TNR: variants seen among roughly 807,000 people sequenced by gnomAD.
TNR encodes tenascin R.
TNR carries 45 observed loss-of-function variants against 150.4 expected under a neutral mutation model. The observed-to-expected ratio is 0.30, with a 90% CI of 0.24 to 0.38. TNR has a LOEUF of 0.38. TNR is among the 10% of genes least tolerant of loss of function. TNR has a pLI of 1.00. For missense variants in TNR, 1,544 were observed against 1,759.1 expected (o/e 0.88, Z 2.19); for synonymous variants, 687 against 678.4 (o/e 1.01, Z -0.20).
At chr1:175,406,181 C>T in intron 3 of TNR, 35 bp downstream of exon 3, 2 of 1,597,050 alleles carry the variant, frequency 1.3e-6, no homozygotes, top group East Asian at 2.2e-5. Context: ...TCTCCTTCCC[C>T]TCCTGAGACC....
intron 1 of TNR, among the ~76,000 whole-genome samples, chr1:175,544,383 G>A (rs1038666574): frequency 2.0e-5 from 3 of 152,172 alleles, no homozygotes; most frequent in African/African-American, 7.2e-5. Flanking sequence ...ATGAATTATA[G>A]TTGACTCACT....
chr1:175,709,256 T>C (rs1666927295), intron 1 of TNR, among the ~76,000 whole-genome samples: 1 of 151,586 alleles, frequency 6.6e-6, no homozygotes, highest in Admixed American at 6.6e-5. Flanking sequence ...TGTAGCTTCT[T>C]TGTAATACAG....
At position 175,532,766 on chromosome 1, in the gene TNR, C is replaced by T. The variant is rs550134262; in HGVS notation, c.-164-4397G>A. Among the ~76,000 whole-genome samples the T allele has an allele frequency of 3.3e-5, 5 of 152,204 alleles. No individual in the cohort carries two copies. The South Asian group carries it at 6.2e-4, about 19-fold the overall frequency. ...TAGAGGATCTGCTTCCAAGATGGCT[C>T]GTTTGTGTGATATTGGTCATTGCAG... On this transcript the variant is annotated intron_variant, in intron 1 of 22. Transcript: ENST00000367674.
intron 1 of TNR, among the ~76,000 whole-genome samples, chr1:175,683,260 G>A (rs979542964): frequency 4.6e-5 from 7 of 152,018 alleles, no homozygotes; most frequent in African/African-American, 7.3e-5. Flanking sequence ...AAGACCTCAC[G>A]GAGATCTAAT....
At chr1:175,415,959 G>A (rs1654421365) in intron 2 of TNR, among the ~76,000 whole-genome samples, 1 of 152,144 alleles carries the variant, frequency 6.6e-6, no homozygotes, top group African/African-American at 2.4e-5. Context: ...TTTTTAGGCA[G>A]CTGTTGATAG....
At chr1:175,346,050 AT>A (rs1353310046) in intron 18 of TNR, among the ~76,000 whole-genome samples, 1 of 152,150 alleles carries the variant, frequency 6.6e-6, no homozygotes, top group Non-Finnish European at 1.5e-5. Context: ...GGGAACAAAT[AT>A]TTTTAGGTAG....
At chr1:175,355,715 C>T in intron 16 of TNR, 82 bp from the exon 17 acceptor site, 2 of 1,580,804 alleles carry the variant, frequency 1.3e-6, no homozygotes, top group East Asian at 2.3e-5. Context: ...GTATCTGTTG[C>T]CCACCTCTTT....
At chr1:175,736,975 C>T (rs1026180639) in intron 1 of TNR, among the ~76,000 whole-genome samples, 29 of 151,606 alleles carry the variant, frequency 1.9e-4, no homozygotes, top group Non-Finnish European at 2.7e-4. Flanking sequence ...GAGCCATGAT[C>T]ACACCACTGC....
rs143239113 is a variant in TNR at position 175,524,709 on chromosome 1, G to T, written c.-64+3560C>A. The stretch of plus-strand genomic sequence containing the variant: ...AGCTCTTTATAGCTCCAGGCTTAGC[G>T]AAGGAGGAGGTGAGTTTGCATGTAA... On this transcript the variant is annotated intron_variant, in intron 2 of 22. Transcript: ENST00000367674. 2.6e-5 allele frequency among the ~76,000 whole-genome samples: 4 copies of T among 152,198 alleles called. No homozygotes were observed. The South Asian group carries it at 8.3e-4, about 32-fold the overall frequency.
intron 1 of TNR, among the ~76,000 whole-genome samples, chr1:175,619,586 A>G (rs1483469323): frequency 6.6e-6 from 1 of 152,208 alleles, no homozygotes; most frequent in Non-Finnish European, 1.5e-5. Flanking sequence ...AGAGTAAACC[A>G]ATACCAGCCA....
Position 175,320,194 on chromosome 1 carries a change from G to A in TNR, c.*3163C>T, listed in dbSNP as rs535139523. On this transcript the variant is annotated 3_prime_UTR_variant, in exon 23 of 23. Transcript: ENST00000367674. ...TGTGCATAGGGTGGGTGCTTTGAGA[G>A]TATTGCTTACTGGATCTACCTTTGG... 6.6e-6 allele frequency: 1 copy of A among 152,392 alleles called. No homozygotes were observed. The highest frequency in any genetic ancestry group is 1.9e-4 in the East Asian group (1 of 5,174). The allele number at this position is 152,392 out of a possible 1,614,324, so 9.4% of individuals were successfully genotyped here.
intron 2 of TNR, among the ~76,000 whole-genome samples, chr1:175,523,562 G>A (rs1659726838): frequency 6.6e-6 from 1 of 152,212 alleles, no homozygotes; most frequent in Admixed American, 6.5e-5. Context: ...CGTGCTCTGA[G>A]GGTTTAGTGC....
At chr1:175,548,172 C>G (rs4596845) in intron 1 of TNR, among the ~76,000 whole-genome samples, 4 of 152,178 alleles carry the variant, frequency 2.6e-5, no homozygotes, top group Non-Finnish European at 5.9e-5. Context: ...CTGGGCACTT[C>G]TGCGGAGAGG....
chr1:175,336,961 C>T (rs895264291), intron 19 of TNR, among the ~76,000 whole-genome samples: 4 of 152,206 alleles, frequency 2.6e-5, no homozygotes, highest in South Asian at 2.1e-4. Context: ...GGCATGGTCT[C>T]GTCTCACTAC....
At chr1:175,742,716 A>G (rs180730428) in intron 1 of TNR, among the ~76,000 whole-genome samples, 125 of 152,332 alleles carry the variant, frequency 8.2e-4, no homozygotes, top group African/African-American at 3.0e-3. Context: ...CTGACATTTT[A>G]CAAAGCACCT....
At chr1:175,428,386 T>C (rs1655108546) in intron 2 of TNR, among the ~76,000 whole-genome samples, 2 of 152,214 alleles carry the variant, frequency 1.3e-5, no homozygotes, top group South Asian at 4.1e-4. Context: ...TAAGCTACTA[T>C]GGCTGGGTTT....
intron 8 of TNR, among the ~76,000 whole-genome samples, chr1:175,384,420 C>G (rs1314474221): frequency 1.3e-5 from 2 of 152,222 alleles, no homozygotes; most frequent in African/African-American, 4.8e-5. Flanking sequence ...AGTAAAAATC[C>G]CACTGGGCAC....
chr1:175,441,517 A>G (rs1464292127), intron 2 of TNR, among the ~76,000 whole-genome samples: 3 of 152,212 alleles, frequency 2.0e-5, no homozygotes, highest in East Asian at 3.8e-4. Flanking sequence ...AAGCAAATTC[A>G]TCTTAGATTA....
intron 1 of TNR, among the ~76,000 whole-genome samples, chr1:175,631,101 T>A (rs1001895893): frequency 6.6e-6 from 1 of 152,210 alleles, no homozygotes; most frequent in East Asian, 1.9e-4. Context: ...GAATGTCCTA[T>A]GAAAATAAAA....
Sources: allele counts gnomAD v4.1 joint callset (sites outside exome capture counted in the v4.1 genomes callset), GRCh38; gene constraint gnomAD v4.1.1; transcripts MANE v1.5; gene names NCBI Gene and HGNC (gene_info 2026-07-23, HGNC 2026-07-21).